Variants in EGFR observed in about 807,000 individuals in gnomAD.
EGFR encodes epidermal growth factor receptor, also known as avian erythroblastic leukemia viral (v-erb-b) oncogene homolog.
A neutral mutation model predicts 143.0 loss-of-function variants in EGFR; 58 were observed. That is an observed-to-expected ratio of 0.41 (90% confidence interval 0.33 to 0.50). The LOEUF (loss-of-function observed/expected upper bound fraction) is 0.50, where lower values mean the gene tolerates loss of function less well. Ranked by LOEUF, EGFR falls within the 20% of genes least tolerant of loss-of-function variation. The pLI, the probability that EGFR is intolerant of heterozygous loss-of-function variation, is 0.39. For missense variants in EGFR, 1,307 were observed against 1,579.0 expected (o/e 0.83, Z 2.92); for synonymous variants, 613 against 594.4 (o/e 1.03, Z -0.45).
chr7:55,154,834 G>GA (rs967941909), intron 7 of EGFR, among the ~76,000 whole-genome samples: 3 of 150,022 alleles, frequency 2.0e-5, no homozygotes, highest in East Asian at 1.9e-4. Context: ...GATTAACTGA[G>GA]AAAAAAAATT....
At chr7:55,034,256 C>T (rs1304506643) in intron 1 of EGFR, among the ~76,000 whole-genome samples, 2 of 152,176 alleles carry the variant, frequency 1.3e-5, no homozygotes, top group African/African-American at 2.4e-5. Flanking sequence ...TGTATTGAGA[C>T]AGAGTCTCAC....
At chr7:55,068,811 C>T (rs1789664134) in intron 1 of EGFR, among the ~76,000 whole-genome samples, 1 of 152,196 alleles carries the variant, frequency 6.6e-6, no homozygotes, top group South Asian at 2.1e-4. Context: ...GGTTATCAAA[C>T]TCCTATGACT....
At chr7:55,170,390 C>G (rs1364432876) in intron 15 of EGFR, 2 of 1,614,184 alleles carry the variant, frequency 1.2e-6, no homozygotes, top group Non-Finnish European at 1.7e-6. Flanking sequence ...GGCAGCGTGT[C>G]CCACCAGAGC....
In EGFR at chr7:55,023,405, G is replaced by A. The variant is rs753514273; in HGVS notation, c.88+4040G>A. Among the ~76,000 whole-genome samples, 13 of 152,144 alleles carry A rather than the reference G, an allele frequency of 8.5e-5. No individual in the cohort carries two copies. In the East Asian group the frequency reaches 1.7e-3, roughly 20 times the overall value. ...TGGCTCACCTCTATAATCCCAAAAC[G>A]TTGGGAGGCCGAGGCAGGCGAATCA... is the stretch of plus-strand genomic sequence containing the variant. On this transcript the variant is annotated intron_variant, in intron 1 of 27. Coordinates refer to ENST00000275493, the MANE Select transcript of EGFR (RefSeq NM_005228.5).
intron 15 of EGFR, among the ~76,000 whole-genome samples, chr7:55,169,097 C>CT (rs1270022365): frequency 6.0e-5 from 9 of 150,854 alleles, no homozygotes; most frequent in Non-Finnish European, 1.3e-4. Context: ...GGAGGAATAG[C>CT]TATTTCTTTT....
intron 18 of EGFR, 45 bp from the exon 19 acceptor site, chr7:55,174,677 A>G (rs1475147981): frequency 6.7e-7 from 1 of 1,491,144 alleles, no homozygotes; most frequent in South Asian, 1.1e-5. Context: ...ATGTGGCACC[A>G]TCTCACAATT....
chr7:55,061,612 A>ATGTGTGTG (rs1205967063), intron 1 of EGFR, among the ~76,000 whole-genome samples: 2,827 of 126,224 alleles, frequency 0.022, 57 homozygotes, highest in East Asian at 0.034. Context: ...GTCTCCAGGG[A>ATGTGTGTG]TGTGTGTGTG....
intron 1 of EGFR, among the ~76,000 whole-genome samples, chr7:55,027,081 C>T (rs1301608038): frequency 3.3e-5 from 5 of 152,146 alleles, no homozygotes; most frequent in Admixed American, 2.6e-4. Flanking sequence ...TGCTGATATA[C>T]TCCAGGCACA....
At chr7:55,178,600 C>T (rs1786711264) in intron 19 of EGFR, among the ~76,000 whole-genome samples, 1 of 152,176 alleles carries the variant, frequency 6.6e-6, no homozygotes, top group South Asian at 2.1e-4. Flanking sequence ...TCAGCTTACC[C>T]TCTGACTACA....
intron 1 of EGFR, among the ~76,000 whole-genome samples, chr7:55,068,919 C>T (rs1583961333): frequency 6.6e-6 from 1 of 152,218 alleles, no homozygotes; most frequent in Non-Finnish European, 1.5e-5. Flanking sequence ...TTGGAGGGCA[C>T]AGGGAAAAGG....
chr7:55,037,233 G>C (rs954284193), intron 1 of EGFR, among the ~76,000 whole-genome samples: 4 of 152,148 alleles, frequency 2.6e-5, no homozygotes, highest in African/African-American at 9.7e-5. Context: ...CAACTCAATA[G>C]GCATGTGTCA....
At chr7:55,021,650 C>G (rs1786572966) in intron 1 of EGFR, among the ~76,000 whole-genome samples, 1 of 152,090 alleles carries the variant, frequency 6.6e-6, no homozygotes, top group Non-Finnish European at 1.5e-5. Context: ...TTGTTTAAGG[C>G]CTGTGTCTAT....
At position 55,205,725 on chromosome 7, in the gene EGFR, C is replaced by A. The variant is rs954396966; in HGVS notation, c.*108C>A. ...GCCATGCCCGCATTAGCTCTTAGACCCACAGACTGGTTTTGCAACGTTTAC... is the reference window on the plus strand; with the variant it reads ...GCCATGCCCGCATTAGCTCTTAGACACACAGACTGGTTTTGCAACGTTTAC... On this transcript the variant is annotated 3_prime_UTR_variant, in exon 28 of 28. Coordinates refer to ENST00000275493, the MANE Select transcript of EGFR (RefSeq NM_005228.5). 6.3e-7 allele frequency: 1 copy of A among 1,580,388 alleles called. No individual in the cohort carries two copies. Among genetic ancestry groups the A allele is most frequent in the Non-Finnish European group, 8.7e-7 (1 of 1,155,202 alleles).
At chr7:55,097,306 A>G (rs1169516620) in intron 1 of EGFR, among the ~76,000 whole-genome samples, 1 of 152,156 alleles carries the variant, frequency 6.6e-6, no homozygotes, top group Admixed American at 6.5e-5. Flanking sequence ...ATGCTCTCAG[A>G]TCTACAGGGG....
In EGFR at chr7:55,192,993, T is replaced by C. The variant is rs1584258844; in HGVS notation, c.2701+152T>C. On this transcript the variant is annotated intron_variant, in intron 22 of 27. Coordinates refer to ENST00000275493, the MANE Select transcript of EGFR (RefSeq NM_005228.5). ...AATCATTGCTGTCTATCTATTGTAC[T>C]GAGAAAACACGGCAGAGGAAATCGA... is the stretch of plus-strand genomic sequence containing the variant. 3 of 790,688 alleles carry C rather than the reference T, an allele frequency of 3.8e-6. No homozygotes were observed. In the East Asian group the frequency reaches 8.1e-5, roughly 21 times the overall value. 49.0% of individuals were successfully genotyped at this position (790,688 alleles called of 1,614,324 possible).
chr7:55,177,815 A>C (rs1786664558), intron 19 of EGFR, among the ~76,000 whole-genome samples: 2 of 152,220 alleles, frequency 1.3e-5, no homozygotes, highest in African/African-American at 4.8e-5. Context: ...GGCTCCACGA[A>C]GATTGTTGTG....
chr7:55,110,439 T>A (rs1562722216), intron 1 of EGFR, among the ~76,000 whole-genome samples: 1 of 152,104 alleles, frequency 6.6e-6, no homozygotes, highest in Non-Finnish European at 1.5e-5. Flanking sequence ...ATGGGGCAGC[T>A]CTCCCACCCC....
At chr7:55,091,766 A>C (rs933171499) in intron 1 of EGFR, among the ~76,000 whole-genome samples, 1 of 151,720 alleles carries the variant, frequency 6.6e-6, no homozygotes, top group Non-Finnish European at 1.5e-5. Context: ...AGCTGTGTGC[A>C]GCTGGGGAGA....
intron 1 of EGFR, among the ~76,000 whole-genome samples, chr7:55,056,264 C>T (rs1488256976): frequency 2.6e-5 from 4 of 152,088 alleles, no homozygotes; most frequent in South Asian, 2.1e-4. Flanking sequence ...TGTGAAGGCC[C>T]GCATCTGGAA....
Sources: gnomAD v4.1 joint callset for allele counts (sites outside exome capture counted in the v4.1 genomes callset) on GRCh38, gnomAD v4.1.1 for gene constraint, MANE v1.5 for transcripts, NCBI Gene and HGNC (gene_info 2026-07-23, HGNC 2026-07-21) for gene names.